Variants in DLGAP1 observed in about 807,000 individuals in gnomAD.
The protein encoded by DLGAP1 is disks large-associated protein 1.
A neutral mutation model predicts 90.8 loss-of-function variants in DLGAP1; 11 were observed. That is an observed-to-expected ratio of 0.12 (90% CI 0.08 to 0.20). DLGAP1 has a LOEUF of 0.20. Ranked by LOEUF, DLGAP1 falls within the 10% of genes least tolerant of loss-of-function variation. The probability of loss-of-function intolerance (pLI) is 1.00; values close to 1 mark genes in which losing one functional copy is unlikely to be tolerated. For synonymous variants in DLGAP1, 558 were observed against 540.7 expected (o/e 1.03, Z -0.44); for missense variants, 1,050 against 1,333.8 (o/e 0.79, Z 3.31).
intron 1 of DLGAP1, among the ~76,000 whole-genome samples, chr18:4,368,154 G>A (rs935168360): frequency 2.6e-5 from 4 of 152,054 alleles, no homozygotes; most frequent in Admixed American, 1.3e-4. Context: ...CAGAGGCAGC[G>A]TCTTGGCTAA....
At chr18:3,996,395 GA>G (rs1237991013) in intron 3 of DLGAP1, among the ~76,000 whole-genome samples, 3 of 151,986 alleles carry the variant, frequency 2.0e-5, no homozygotes, top group Non-Finnish European at 4.4e-5. Flanking sequence ...TTCAGTCACT[GA>G]AAACTTTTAC....
At position 3,565,784 on chromosome 18, in the gene DLGAP1, G is replaced by A. The variant is rs1445624458; in HGVS notation, c.2057+1706C>T. On this transcript the variant is annotated intron_variant, in intron 9 of 12. Transcript: ENST00000315677. This position sits in a 1 kb window ranked among gnomAD's most constrained non-coding sequence, Gnocchi z 4.0. Reference sequence around the variant, plus strand: ...CAGGAGGCGGAGGTTGCAGTGAGCCGAAATTGCACCACTGCACCCCAGCCT... The same window carrying A: ...CAGGAGGCGGAGGTTGCAGTGAGCCAAAATTGCACCACTGCACCCCAGCCT... Among the ~76,000 whole-genome samples, 3 of 151,850 alleles carry A rather than the reference G, an allele frequency of 2.0e-5. No homozygotes were observed. Among genetic ancestry groups the A allele is most frequent in the East Asian group, 2.0e-4 (1 of 5,108 alleles).
At chr18:4,375,561 T>G (rs2081997784) in intron 1 of DLGAP1, among the ~76,000 whole-genome samples, 1 of 152,264 alleles carries the variant, frequency 6.6e-6, no homozygotes, top group South Asian at 2.1e-4. Flanking sequence ...TTCTTCTTTC[T>G]AAAGCAAATG....
intron 3 of DLGAP1, among the ~76,000 whole-genome samples, chr18:3,882,526 C>CA (rs111965129): frequency 0.2 from 23,066 of 113,540 alleles, 2,052 homozygotes; most frequent in South Asian, 0.26. Context: ...GACCCTGTCT[C>CA]AAAAAAAAAA....
chr18:3,920,447 A>C (rs1235887570), intron 3 of DLGAP1, among the ~76,000 whole-genome samples: 1 of 151,540 alleles, frequency 6.6e-6, no homozygotes, highest in Non-Finnish European at 1.5e-5. Flanking sequence ...CTAAAATTAT[A>C]GTGGAGCATC....
chr18:3,877,322 T>C (rs2071029128), intron 4 of DLGAP1, among the ~76,000 whole-genome samples: 1 of 152,196 alleles, frequency 6.6e-6, no homozygotes, highest in Admixed American at 6.5e-5. Context: ...AATGTAGGCA[T>C]ATAGGCAGAT....
At chr18:3,506,552 CAA>C (rs60692504) in intron 11 of DLGAP1, among the ~76,000 whole-genome samples, 18 of 101,298 alleles carry the variant, frequency 1.8e-4, no homozygotes, top group African/African-American at 1.8e-4. Context: ...AACTCCATGT[CAA>C]AAAAAAAAAA....
chr18:3,718,210 C>T (rs1426477701), intron 7 of DLGAP1, among the ~76,000 whole-genome samples: 1 of 152,134 alleles, frequency 6.6e-6, no homozygotes, highest in Non-Finnish European at 1.5e-5. Context: ...CCTATAATCC[C>T]AGCACTTTGG....
At chr18:3,990,628 T>TATAATA (rs77930009) in intron 3 of DLGAP1, among the ~76,000 whole-genome samples, 33,045 of 143,044 alleles carry the variant, frequency 0.23, 4,002 homozygotes, top group African/African-American at 0.3. Context: ...AAACTTAAAA[T>TATAATA]ATAATAATAA....
intron 7 of DLGAP1, among the ~76,000 whole-genome samples, chr18:3,682,084 C>T (rs915964658): frequency 1.3e-5 from 2 of 150,254 alleles, no homozygotes; most frequent in Non-Finnish European, 3.0e-5. Context: ...CACCACTGCA[C>T]TCCAGCCTGG....
intron 1 of DLGAP1, among the ~76,000 whole-genome samples, chr18:4,305,426 C>T (rs190234507): frequency 3.4e-5 from 5 of 148,800 alleles, no homozygotes; most frequent in Admixed American, 1.4e-4. Context: ...CCCAGACACT[C>T]GGGAGGCTGA....
chr18:4,290,992 A>T (rs2145506145), intron 1 of DLGAP1, among the ~76,000 whole-genome samples: 1 of 152,292 alleles, frequency 6.6e-6, no homozygotes, highest in Non-Finnish European at 1.5e-5. Flanking sequence ...GAATATTATT[A>T]ATCTTTTTAA....
intron 9 of DLGAP1, among the ~76,000 whole-genome samples, chr18:3,547,582 A>C (rs597504): frequency 0.95 from 144,541 of 151,760 alleles, 69,200 homozygotes; most frequent in East Asian, 1. Context: ...TTCATACCCA[A>C]TAGGATAGCC....
At chr18:3,938,085 G>A (rs1212409965) in intron 3 of DLGAP1, among the ~76,000 whole-genome samples, 1 of 152,224 alleles carries the variant, frequency 6.6e-6, no homozygotes, top group Non-Finnish European at 1.5e-5. Context: ...AGTAAGTCAA[G>A]TGTGCTGAAA....
chr18:3,566,094 G>A (rs1427599210), intron 9 of DLGAP1, among the ~76,000 whole-genome samples: 1 of 150,476 alleles, frequency 6.6e-6, no homozygotes, highest in Admixed American at 6.6e-5. Flanking sequence ...CCTTGGTGAG[G>A]TGCTATAAAT....
intron 7 of DLGAP1, among the ~76,000 whole-genome samples, chr18:3,617,199 T>C (rs1323058570): frequency 6.6e-6 from 1 of 152,140 alleles, no homozygotes; most frequent in African/African-American, 2.4e-5. Flanking sequence ...ATCCGTTGCA[T>C]AGAAAGAAAC....
At chr18:4,303,620 C>T (rs2080180260) in intron 1 of DLGAP1, among the ~76,000 whole-genome samples, 1 of 152,172 alleles carries the variant, frequency 6.6e-6, no homozygotes, top group Admixed American at 6.5e-5. Context: ...GAAGAAGTGG[C>T]ATAGCAAGGC....
intron 4 of DLGAP1, among the ~76,000 whole-genome samples, chr18:3,857,223 G>A (rs1052587633): frequency 2.0e-5 from 3 of 152,080 alleles, no homozygotes; most frequent in African/African-American, 7.2e-5. Flanking sequence ...TCAAATTGAA[G>A]GATGTGCATA....
intron 2 of DLGAP1, among the ~76,000 whole-genome samples, chr18:4,099,300 T>C (rs200930770): frequency 5.5e-4 from 9 of 16,356 alleles, no homozygotes; most frequent in South Asian, 2.3e-3. Flanking sequence ...GTCTATCATC[T>C]ATCTATCTAT....
Sources: gnomAD v4.1 joint callset for allele counts (sites outside exome capture counted in the v4.1 genomes callset) on GRCh38, gnomAD v4.1.1 for gene constraint, Gnocchi (gnomAD v3.1) non-coding constraint, MANE v1.5 for transcripts, NCBI Gene and HGNC (gene_info 2026-07-23, HGNC 2026-07-21) for gene names.